Variants in HNF1B observed in about 807,000 individuals in gnomAD.
The protein encoded by HNF1B is hepatocyte nuclear factor 1-beta.
A neutral mutation model predicts 61.7 loss-of-function variants in HNF1B; 8 were observed. The observed-to-expected ratio is 0.13, with a 90% CI of 0.08 to 0.23. The LOEUF (loss-of-function observed/expected upper bound fraction) is 0.23, where lower values mean the gene tolerates loss of function less well. Ranked by LOEUF, HNF1B falls within the 10% of genes least tolerant of loss-of-function variation. The probability of loss-of-function intolerance (pLI) is 1.00; values close to 1 mark genes in which losing one functional copy is unlikely to be tolerated. For synonymous variants in HNF1B, 314 were observed against 287.7 expected, an observed-to-expected ratio of 1.09 and a Z score of -0.93; for missense variants, 562 against 714.5, an observed-to-expected ratio of 0.79 and a Z score of 2.43.
chr17:37,709,820 A>G (rs1013396344), intron 5 of HNF1B, among the ~76,000 whole-genome samples: 11 of 152,150 alleles, frequency 7.2e-5, no homozygotes, highest in Admixed American at 5.2e-4. Context: ...TTTATAGATG[A>G]GGAAGAGATC....
At chr17:37,728,154 A>T (rs1325375727) in intron 4 of HNF1B, among the ~76,000 whole-genome samples, 1 of 151,918 alleles carries the variant, frequency 6.6e-6, no homozygotes, top group African/African-American at 2.4e-5. Flanking sequence ...GGCACCTGCC[A>T]CCACGCCCAG....
At chr17:37,706,347 G>T (rs2032748184) in intron 5 of HNF1B, among the ~76,000 whole-genome samples, 1 of 152,066 alleles carries the variant, frequency 6.6e-6, no homozygotes, top group South Asian at 2.1e-4. Context: ...GGAACCCCGA[G>T]AGGTGCTTTA....
At chr17:37,738,704 T>A (rs565355151) in intron 2 of HNF1B, among the ~76,000 whole-genome samples, 199 of 152,336 alleles carry the variant, frequency 1.3e-3, no homozygotes, top group Non-Finnish European at 2.1e-3. Flanking sequence ...CTTTTAGAAT[T>A]ATTGGGTGGG....
At chr17:37,742,173 G>A (rs892193964) in intron 1 of HNF1B, among the ~76,000 whole-genome samples, 1 of 152,218 alleles carries the variant, frequency 6.6e-6, no homozygotes, top group Non-Finnish European at 1.5e-5. Context: ...TGCTGCCCAC[G>A]AGCAGAGAAG....
At chr17:37,729,323 T>C (rs2033610784) in intron 4 of HNF1B, 1 of 151,554 alleles carries the variant, frequency 6.6e-6, no homozygotes, top group Admixed American at 6.6e-5. Flanking sequence ...ATCCCAGCAC[T>C]TTGGGAGGCT....
intron 5 of HNF1B, 134 bp downstream of exon 5, chr17:37,710,369 G>T: frequency 8.3e-7 from 1 of 1,200,554 alleles, no homozygotes; most frequent in Non-Finnish European, 1.2e-6. Context: ...TCTCCTTTCC[G>T]ACTCTGGACA....
chr17:37,702,080 C>T (rs1057447716), intron 6 of HNF1B, among the ~76,000 whole-genome samples: 4 of 152,060 alleles, frequency 2.6e-5, no homozygotes, highest in Non-Finnish European at 4.4e-5. Context: ...GGGGACAGGA[C>T]GATCAGGAGA....
chr17:37,739,940 G>C (rs2033944749), intron 1 of HNF1B, among the ~76,000 whole-genome samples: 1 of 151,762 alleles, frequency 6.6e-6, no homozygotes, highest in Non-Finnish European at 1.5e-5. Context: ...AAAAGCTCTT[G>C]TTTTATTTAA....
chr17:37,687,460 C>A, intron 8 of HNF1B, 68 bp from the exon 9 acceptor site: 2 of 1,261,358 alleles, frequency 1.6e-6, no homozygotes, highest in East Asian at 2.3e-5. Flanking sequence ...ATTAGTTTGG[C>A]TTCTCTAAGG....
intron 4 of HNF1B, among the ~76,000 whole-genome samples, chr17:37,724,842 AATTG>A (rs1298441014): frequency 1.3e-5 from 2 of 152,094 alleles, no homozygotes; most frequent in East Asian, 3.9e-4. Context: ...ATGACTGACT[AATTG>A]ATCTGACTTT....
intron 8 of HNF1B, among the ~76,000 whole-genome samples, chr17:37,690,003 GCA>G (rs5820231): frequency 0.14 from 21,377 of 148,620 alleles, 1,627 homozygotes; most frequent in South Asian, 0.19. Context: ...ACAAATGCGT[GCA>G]CACACACACA....
At chr17:37,741,396 T>G (rs1459931028) in intron 1 of HNF1B, among the ~76,000 whole-genome samples, 1 of 152,184 alleles carries the variant, frequency 6.6e-6, no homozygotes, top group East Asian at 1.9e-4. Context: ...TAAGAACGAA[T>G]TTCTCAAGTA....
rs1474981063 is a variant in HNF1B, at chr17:37,731,636, G to A, written c.1004C>T (p.Pro335Leu). 1 of 1,614,032 alleles carries A rather than the reference G, an allele frequency of 6.2e-7. No individual in the cohort carries two copies. Among genetic ancestry groups the A allele is most frequent in the Non-Finnish European group, 8.5e-7 (1 of 1,179,942 alleles). ...AGGAGAGGAGCTGGGCTGGTGGTGG[G>A]GGGAGCCGTGGGAGAGCAGAGGGTT... is the stretch of plus-strand genomic sequence containing the variant. ...SLNPLLSHGS[P>L]HHQPSSSPPN... The change falls in exon 4 of 9, where the codon CCC becomes CTC. Residue 335 changes from proline to leucine, a missense_variant. This residue lies in a region of HNF1B where 211 missense variants were observed against 200.7 expected (regional missense o/e 1.05). Coordinates refer to ENST00000617811, the MANE Select transcript of HNF1B (RefSeq NM_000458.4).
rs1232133716 is a variant in HNF1B, at chr17:37,687,361, G to A, written c.*11C>T. On this transcript the variant is annotated 3_prime_UTR_variant, in exon 9 of 9. Coordinates refer to ENST00000617811, the MANE Select transcript of HNF1B (RefSeq NM_000458.4). ...CTTGTTGTTGCGCACGAAGTAAGTG[G>A]TGTGTGGGCATCACCAGGCTTGTAG... 1 of 1,614,080 alleles carries A rather than the reference G, an allele frequency of 6.2e-7. No individual in the cohort carries two copies.
chr17:37,703,862 A>G (rs2147454887), intron 6 of HNF1B, among the ~76,000 whole-genome samples: 1 of 152,358 alleles, frequency 6.6e-6, no homozygotes, highest in African/African-American at 2.4e-5. Context: ...TTCAGAAGTG[A>G]GAATCCAAGT....
At chr17:37,735,763 CTT>C (rs1448252426) in intron 2 of HNF1B, among the ~76,000 whole-genome samples, 1 of 152,076 alleles carries the variant, frequency 6.6e-6, no homozygotes, top group Non-Finnish European at 1.5e-5. Context: ...GGGGGTTATA[CTT>C]TTTCTTTTTT....
intron 8 of HNF1B, among the ~76,000 whole-genome samples, chr17:37,690,069 A>G (rs927651670): frequency 1.3e-5 from 2 of 152,306 alleles, no homozygotes; most frequent in Admixed American, 6.5e-5. Flanking sequence ...TGAGCACTCC[A>G]TAGAAAAATA....
At chr17:37,728,299 G>C (rs974942446) in intron 4 of HNF1B, among the ~76,000 whole-genome samples, 2 of 150,734 alleles carry the variant, frequency 1.3e-5, no homozygotes, top group Non-Finnish European at 2.9e-5. Context: ...ACCACACCTA[G>C]CCCACAGAGC....
At chr17:37,714,765 A>G (rs1420559845) in intron 4 of HNF1B, among the ~76,000 whole-genome samples, 1 of 152,186 alleles carries the variant, frequency 6.6e-6, no homozygotes, top group Non-Finnish European at 1.5e-5. Context: ...GCACAGGTGC[A>G]TGGTTCCAAG....
Sources: gnomAD v4.1 joint callset for allele counts (sites outside exome capture counted in the v4.1 genomes callset) on GRCh38, gnomAD v4.1.1 for gene constraint, gnomAD v4.1.1 regional missense constraint, MANE v1.5 for transcripts, NCBI Gene and HGNC (gene_info 2026-07-23, HGNC 2026-07-21) for gene names.